The following GARIN1B variants were observed in gnomAD, a reference collection of about 807,000 sequenced individuals.
GARIN1B encodes golgi associated RAB2 interactor 1B, also known as Golgi-associated RAB2 interactor protein 1B.
At chr7:128,727,734 C>T in the GARIN1B span, among the ~76,000 whole-genome samples, 9 of 152,278 alleles carry the variant, frequency 5.9e-5, no homozygotes, top group East Asian at 1.7e-3. Context: ...ATGCCTCCTT[C>T]ATCCCCCATC....
At chr7:128,719,582 T>A in the GARIN1B span, among the ~76,000 whole-genome samples, 3 of 152,186 alleles carry the variant, frequency 2.0e-5, no homozygotes, top group African/African-American at 7.2e-5. Flanking sequence ...TATAGTCTTT[T>A]GTGTCTGGCT....
chr7:128,713,312 GA>G, the GARIN1B span, among the ~76,000 whole-genome samples: 1 of 151,598 alleles, frequency 6.6e-6, no homozygotes, highest in Admixed American at 6.6e-5. Flanking sequence ...ATTTCAAAAA[GA>G]AAAAAAAGAA....
chr7:128,713,255 C>T, the GARIN1B span, among the ~76,000 whole-genome samples: 1 of 152,158 alleles, frequency 6.6e-6, no homozygotes, highest in Non-Finnish European at 1.5e-5. Context: ...TGCAGTGAGC[C>T]AAGACTGTGC....
the GARIN1B span, chr7:128,723,360 G>A: frequency 6.3e-7 from 1 of 1,595,588 alleles, no homozygotes; most frequent in South Asian, 1.1e-5. Flanking sequence ...ATTCCCTCCT[G>A]CAACCCAGAT....
chr7:128,716,700 A>G, the GARIN1B span: 7 of 885,692 alleles, frequency 7.9e-6, no homozygotes, highest in African/African-American at 1.7e-5. Flanking sequence ...CCTACCCTCA[A>G]CAAAGAATAT....
chr7:128,730,839 G>A, the GARIN1B span, among the ~76,000 whole-genome samples: 2 of 152,050 alleles, frequency 1.3e-5, no homozygotes, highest in Non-Finnish European at 2.9e-5. Context: ...TAGACACAGG[G>A]TTTCACCATG....
At chr7:128,729,102 G>A in the GARIN1B span, among the ~76,000 whole-genome samples, 28,820 of 152,126 alleles carry the variant, frequency 0.19, 3,126 homozygotes, top group South Asian at 0.28. Flanking sequence ...CGGCCAAGAT[G>A]TTCCTAGGCT....
chr7:128,718,641 T>G, the GARIN1B span, among the ~76,000 whole-genome samples: 1 of 152,138 alleles, frequency 6.6e-6, no homozygotes, highest in African/African-American at 2.4e-5. Context: ...TGTCTTCAGG[T>G]GTCTGCATTT....
the GARIN1B span, among the ~76,000 whole-genome samples, chr7:128,711,920 G>A: frequency 1.3e-5 from 2 of 152,170 alleles, no homozygotes; most frequent in Middle Eastern, 3.4e-3. Context: ...AGGTGCCTGC[G>A]ATCCCAGCTA....
At chr7:128,713,328 A>T in the GARIN1B span, among the ~76,000 whole-genome samples, 5 of 152,200 alleles carry the variant, frequency 3.3e-5, no homozygotes, top group Admixed American at 3.3e-4. Context: ...AAAGAAAGAA[A>T]CAGAATGGGT....
the GARIN1B span, chr7:128,715,660 C>T: frequency 1.2e-6 from 2 of 1,614,138 alleles, no homozygotes; most frequent in Non-Finnish European, 1.7e-6. Flanking sequence ...TGTTTCTTGA[C>T]TCCGTGGTGT....
chr7:128,731,460 C>T, the GARIN1B span: 1 of 394,952 alleles, frequency 2.5e-6, no homozygotes, highest in Non-Finnish European at 4.6e-6. Flanking sequence ...GGGAGAAAGT[C>T]AGCAGATGAG....
chr7:128,726,920 A>G, the GARIN1B span: 2 of 1,543,998 alleles, frequency 1.3e-6, no homozygotes, highest in Non-Finnish European at 1.8e-6. Context: ...TCTACTCTGG[A>G]TATAAGAATA....
chr7:128,722,961 TA>T, the GARIN1B span, among the ~76,000 whole-genome samples: 1 of 152,204 alleles, frequency 6.6e-6, no homozygotes, highest in East Asian at 1.9e-4. Flanking sequence ...ATCTGTTAAG[TA>T]ATGTTAAAAG....
At chr7:128,720,447 G>C in the GARIN1B span, among the ~76,000 whole-genome samples, 3 of 152,144 alleles carry the variant, frequency 2.0e-5, no homozygotes, top group South Asian at 6.2e-4. Context: ...TGATCCGCCT[G>C]CCTCAGCCTC....
At chr7:128,709,662 A>ATGT in the GARIN1B span, among the ~76,000 whole-genome samples, 8 of 150,628 alleles carry the variant, frequency 5.3e-5, no homozygotes, top group Admixed American at 2.0e-4. Context: ...TTGTAGTATA[A>ATGT]TGTTGTTGTT....
chr7:128,712,049 A>C, the GARIN1B span, among the ~76,000 whole-genome samples: 10 of 152,126 alleles, frequency 6.6e-5, no homozygotes, highest in Non-Finnish European at 1.5e-5. Flanking sequence ...TCAAAAAACA[A>C]AAACAAAAAC....
the GARIN1B span, among the ~76,000 whole-genome samples, chr7:128,722,052 T>C: frequency 6.6e-6 from 1 of 152,230 alleles, no homozygotes; most frequent in African/African-American, 2.4e-5. Flanking sequence ...ATGAGAGATA[T>C]TGGTCTGTAA....
chr7:128,713,989 T>C, the GARIN1B span: 2 of 1,528,072 alleles, frequency 1.3e-6, no homozygotes, highest in East Asian at 2.5e-5. Flanking sequence ...AATGTGACCA[T>C]GAAGACACTT....
Sources: allele counts gnomAD v4.1 joint callset (sites outside exome capture counted in the v4.1 genomes callset), GRCh38; gene constraint gnomAD v4.1.1; transcripts MANE v1.5; gene names NCBI Gene and HGNC (gene_info 2026-07-23, HGNC 2026-07-21).